Variants in ENOX1 observed in about 807,000 individuals in gnomAD.
ENOX1 encodes the protein candidate growth-related and time keeping constitutive hydroquinone (NADH) oxidase.
ENOX1 carries 42 observed loss-of-function variants against 82.5 expected under a neutral mutation model. The ratio of observed to expected loss-of-function variants is 0.51; its 90% CI spans 0.40 to 0.66. ENOX1 has a LOEUF of 0.66. Ranked by LOEUF, ENOX1 falls within the 30% of genes least tolerant of loss-of-function variation. The probability of loss-of-function intolerance (pLI) is 0.00; values close to 1 mark genes in which losing one functional copy is unlikely to be tolerated. For missense variants in ENOX1, 608 were observed against 811.6 expected, an observed-to-expected ratio of 0.75 and a Z score of 3.05; for synonymous variants, 271 against 282.2, an observed-to-expected ratio of 0.96 and a Z score of 0.40.
intron 2 of ENOX1, among the ~76,000 whole-genome samples, chr13:43,570,576 A>T (rs771296301): frequency 6.6e-6 from 1 of 152,214 alleles, no homozygotes; most frequent in Non-Finnish European, 1.5e-5. Context: ...AGCTAAACAG[A>T]TGAGATGAAT....
intron 12 of ENOX1, among the ~76,000 whole-genome samples, chr13:43,296,015 C>A (rs188815017): frequency 6.6e-6 from 1 of 152,090 alleles, no homozygotes; most frequent in African/African-American, 2.4e-5. Flanking sequence ...TCTTCATGAT[C>A]CAGGATCCCA....
chr13:43,414,340 A>T (rs549693570), intron 3 of ENOX1, among the ~76,000 whole-genome samples: 1 of 152,172 alleles, frequency 6.6e-6, no homozygotes, highest in Non-Finnish European at 1.5e-5. Context: ...AGGAAGATGA[A>T]TCATCATCAT....
intron 2 of ENOX1, among the ~76,000 whole-genome samples, chr13:43,656,240 C>T (rs931605603): frequency 6.6e-6 from 1 of 152,138 alleles, no homozygotes; most frequent in African/African-American, 2.4e-5. Flanking sequence ...AAATAATTCT[C>T]TGCTCCTTAT....
intron 4 of ENOX1, 32 bp downstream of exon 4, chr13:43,412,813 G>GTTTGTGTC: frequency 1.2e-6 from 2 of 1,611,350 alleles, no homozygotes; most frequent in African/African-American, 2.7e-5. Context: ...AAAAATCCTT[G>GTTTGTGTC]TTTGTGTCCT....
chr13:43,683,475 G>A (rs1028486467), intron 1 of ENOX1, among the ~76,000 whole-genome samples: 3 of 152,046 alleles, frequency 2.0e-5, no homozygotes, highest in African/African-American at 7.2e-5. Flanking sequence ...TCAAAGACAA[G>A]AGAATCAGAC....
intron 3 of ENOX1, among the ~76,000 whole-genome samples, chr13:43,470,390 A>G (rs75885929): frequency 2.6e-5 from 1 of 37,828 alleles, no homozygotes; most frequent in East Asian, 3.0e-4. Context: ...ATATATACGT[A>G]TATATATGTG....
intron 3 of ENOX1, among the ~76,000 whole-genome samples, chr13:43,461,406 TCATGTTTGTATTCTGAA>T (rs1328748472): frequency 3.3e-5 from 5 of 152,242 alleles, no homozygotes; most frequent in African/African-American, 1.2e-4. Flanking sequence ...ATCTCCCTTG[TCATGTTTGTATTCTGAA>T]CATCAATCAC....
intron 1 of ENOX1, among the ~76,000 whole-genome samples, chr13:43,785,648 T>A (rs1166561981): frequency 6.6e-6 from 1 of 152,064 alleles, no homozygotes; most frequent in Non-Finnish European, 1.5e-5. Context: ...CGTGGCTCAG[T>A]GGCTATACAG....
intron 1 of ENOX1, among the ~76,000 whole-genome samples, chr13:43,684,982 T>C (rs764432877): frequency 2.0e-5 from 3 of 152,232 alleles, no homozygotes; most frequent in Non-Finnish European, 4.4e-5. Context: ...GAATGTCTCT[T>C]TAGAACTGCT....
intron 7 of ENOX1, 52 bp downstream of exon 7, chr13:43,359,798 CA>C (rs1438449475): frequency 2.0e-6 from 3 of 1,525,006 alleles, no homozygotes; most frequent in Non-Finnish European, 2.7e-6. Flanking sequence ...CTCATATTAA[CA>C]TCACAAAACA....
intron 8 of ENOX1, among the ~76,000 whole-genome samples, chr13:43,350,374 G>A (rs1385505189): frequency 6.6e-6 from 1 of 152,166 alleles, no homozygotes; most frequent in Non-Finnish European, 1.5e-5. Context: ...ACAAAGCGAT[G>A]GGTACCTGGT....
intron 3 of ENOX1, among the ~76,000 whole-genome samples, chr13:43,448,356 T>C (rs941933984): frequency 6.6e-5 from 10 of 152,234 alleles, no homozygotes; most frequent in African/African-American, 2.4e-4. Flanking sequence ...AATTTAAATA[T>C]TGTCAATGGT....
chr13:43,733,848 A>G (rs1475629802), intron 1 of ENOX1, among the ~76,000 whole-genome samples: 1 of 152,188 alleles, frequency 6.6e-6, no homozygotes, highest in African/African-American at 2.4e-5. Flanking sequence ...CCCTAATCTA[A>G]TATGACTGGT....
chr13:43,318,622 AT>A (rs897252337), intron 11 of ENOX1, among the ~76,000 whole-genome samples: 73 of 152,342 alleles, frequency 4.8e-4, no homozygotes, highest in African/African-American at 1.6e-3. Context: ...TCATCCTCCT[AT>A]CAACTTCTGG....
chr13:43,406,411 T>A (rs2053797747), intron 5 of ENOX1, among the ~76,000 whole-genome samples: 1 of 151,862 alleles, frequency 6.6e-6, no homozygotes, highest in Non-Finnish European at 1.5e-5. Flanking sequence ...CCCTTACAAG[T>A]GTGAAGAAGT....
intron 2 of ENOX1, among the ~76,000 whole-genome samples, chr13:43,530,277 TAGA>T (rs1315877922): frequency 6.6e-6 from 1 of 152,136 alleles, no homozygotes; most frequent in Non-Finnish European, 1.5e-5. Context: ...TATTTCCTGA[TAGA>T]AGGAGTAGAA....
intron 12 of ENOX1, among the ~76,000 whole-genome samples, chr13:43,292,774 G>GC (rs138311291): frequency 0.078 from 11,802 of 151,624 alleles, 601 homozygotes; most frequent in East Asian, 0.22. Context: ...TGCCACTATG[G>GC]CCCCTTCACC....
Position 43,460,822 on chromosome 13 carries a change from AAAAAAAAAT to A in ENOX1, c.-75+23178_-75+23186del, listed in dbSNP as rs1168796338. 4.4e-4 allele frequency among the ~76,000 whole-genome samples: 10 copies of A among 22,522 alleles called. 1 individual carries two copies. The highest frequency in any genetic ancestry group is 2.8e-3 in the East Asian group (1 of 356). The allele number at this position is 22,522 out of a possible 152,430, so 14.8% of individuals were successfully genotyped here. ...AAAAAAAAAAAAAAAAAAAAAAAAA[AAAAAAAAAT>A]AGGGATAGCTCTCTACAAACCAAGG... On this transcript the variant is annotated intron_variant, in intron 3 of 16. Transcript: ENST00000690772.
At chr13:43,515,571 A>G (rs918657814) in intron 2 of ENOX1, among the ~76,000 whole-genome samples, 1 of 152,204 alleles carries the variant, frequency 6.6e-6, no homozygotes, top group African/African-American at 2.4e-5. Context: ...TAATAGTATT[A>G]CAATACTCAT....
Sources: allele counts gnomAD v4.1 joint callset (sites outside exome capture counted in the v4.1 genomes callset), GRCh38; gene constraint gnomAD v4.1.1; transcripts MANE v1.5; gene names NCBI Gene and HGNC (gene_info 2026-07-23, HGNC 2026-07-21).